The following MOK variants were observed in gnomAD, a reference collection of about 807,000 sequenced individuals.
MOK encodes MAPK/MAK/MRK overlapping kinase.
Under a neutral mutation model 54.2 loss-of-function variants are expected in MOK, and 59 were observed. The ratio of observed to expected loss-of-function variants is 1.09; its 90% CI spans 0.88 to 1.35. The LOEUF is 1.35. MOK is among the 40% of genes most tolerant of loss of function. The pLI, the probability that MOK is intolerant of heterozygous loss-of-function variation, is 0.00. For synonymous variants in MOK, 210 were observed against 202.7 expected (o/e 1.04, Z -0.31); for missense variants, 517 against 526.2 (o/e 0.98, Z 0.17).
chr14:102,267,098 A>G (rs1013769438), intron 2 of MOK, among the ~76,000 whole-genome samples: 2 of 152,246 alleles, frequency 1.3e-5, no homozygotes, highest in African/African-American at 4.8e-5. Flanking sequence ...ACCTAATTGA[A>G]TAATTCAATT....
At chr14:102,266,822 T>C (rs1214558559) in intron 2 of MOK, among the ~76,000 whole-genome samples, 2 of 152,158 alleles carry the variant, frequency 1.3e-5, no homozygotes, top group East Asian at 3.9e-4. Flanking sequence ...CCTCAGGTGA[T>C]CCACCCACCT....
At position 102,251,646 on chromosome 14, in the gene MOK, G is replaced by A. The variant is rs1364924722; in HGVS notation, c.411+110C>T. ...AAAAAATTACTGTAACAAACAGGCT[G>A]TCTAGCCGCATGGACTGAAAGTTCC... On this transcript the variant is annotated intron_variant, in intron 6 of 11. Transcript: ENST00000361847. The A allele has an allele frequency of 8.2e-6, 7 of 856,564 alleles. No homozygotes were observed. In the African/African-American group the frequency reaches 1.2e-4, roughly 14 times the overall value. 53.1% of individuals were successfully genotyped at this position (856,564 alleles called of 1,614,324 possible).
intron 1 of MOK, among the ~76,000 whole-genome samples, chr14:102,299,513 C>CAAA (rs56688594): frequency 7.0e-6 from 1 of 142,518 alleles, no homozygotes; most frequent in Non-Finnish European, 1.5e-5. Flanking sequence ...AGACTACCTA[C>CAAA]AAAAAAAAAA....
chr14:102,216,918 GCGAGAC>G, the MOK span, among the ~76,000 whole-genome samples: 1 of 152,188 alleles, frequency 6.6e-6, no homozygotes, highest in Non-Finnish European at 1.5e-5. Flanking sequence ...GGGCGACAGA[GCGAGAC>G]TCTGTCTTAA....
Position 102,265,931 on chromosome 14 carries a change from T to C in MOK, c.123-19A>G. 6.3e-7 allele frequency: 1 copy of C among 1,576,900 alleles called. No individual in the cohort carries two copies. The highest frequency in any genetic ancestry group is 8.7e-7 in the Non-Finnish European group (1 of 1,148,686). On this transcript the variant is annotated intron_variant, in intron 2 of 11. Coordinates refer to ENST00000361847, the MANE Select transcript of MOK (RefSeq NM_014226.3). ...CTCAATACTATCGTGTAGGTAAAAA[T>C]GGATAGCTCATTCACAGTTTAGGTC...
chr14:102,268,100 G>A (rs958138052), intron 2 of MOK, among the ~76,000 whole-genome samples: 9 of 152,060 alleles, frequency 5.9e-5, no homozygotes, highest in African/African-American at 1.4e-4. Context: ...TTTTAGAACC[G>A]GGCAGCCAAA....
At chr14:102,263,907 G>A in intron 3 of MOK, 1 of 257,908 alleles carries the variant, frequency 3.9e-6, no homozygotes, top group South Asian at 5.4e-5. Flanking sequence ...AAAGGTTGGG[G>A]AGTTGGGTAA....
At chr14:102,219,198 A>G in the MOK span, among the ~76,000 whole-genome samples, 1 of 152,238 alleles carries the variant, frequency 6.6e-6, no homozygotes, top group African/African-American at 2.4e-5. Flanking sequence ...ACTGAATCAC[A>G]GGCAGATAGA....
At chr14:102,227,319 C>T (rs1379923037), downstream of MOK, among the ~76,000 whole-genome samples, 2 of 151,846 alleles carry the variant, frequency 1.3e-5, no homozygotes, top group Non-Finnish European at 2.9e-5. Context: ...TCTCTTGTGA[C>T]CTGCGCGCCG....
chr14:102,226,239 G>T (rs1249678230), downstream of MOK: 9 of 656,816 alleles, frequency 1.4e-5, no homozygotes, highest in African/African-American at 7.2e-5. The surrounding 1 kb of genome is among the most constrained non-coding windows in gnomAD (Gnocchi z 4.8). Flanking sequence ...TCTGCCCGGT[G>T]TCTTCTTTAA....
downstream of MOK, chr14:102,222,769 G>T (rs1270566642): frequency 1.9e-6 from 3 of 1,590,958 alleles, no homozygotes; most frequent in African/African-American, 4.0e-5. The surrounding 1 kb of genome is among the most constrained non-coding windows in gnomAD (Gnocchi z 4.4). Context: ...CGGAGGGCGC[G>T]CATGGTGGCT....
chr14:102,226,349 G>C, downstream of MOK: 1 of 703,210 alleles, frequency 1.4e-6, no homozygotes, highest in Non-Finnish European at 2.6e-6. The surrounding 1 kb of genome is among the most constrained non-coding windows in gnomAD (Gnocchi z 4.8). Context: ...GTTGAGGGAT[G>C]AACGTGTTTG....
intron 2 of MOK, among the ~76,000 whole-genome samples, chr14:102,273,457 G>A (rs529746853): frequency 2.4e-4 from 36 of 152,038 alleles, no homozygotes; most frequent in Non-Finnish European, 3.8e-4. Context: ...CAAAAGACAC[G>A]TAAGACCTTT....
intron 2 of MOK, among the ~76,000 whole-genome samples, chr14:102,278,376 T>C (rs1185296376): frequency 6.8e-6 from 1 of 147,162 alleles, no homozygotes; most frequent in Non-Finnish European, 1.5e-5. Context: ...TATTATACTT[T>C]TAAGTAAAAA....
At chr14:102,285,284 T>C (rs2069918655) in intron 1 of MOK, among the ~76,000 whole-genome samples, 1 of 152,152 alleles carries the variant, frequency 6.6e-6, no homozygotes, top group Non-Finnish European at 1.5e-5. Context: ...TCTTGCTATG[T>C]TGCCCAGGCT....
intron 7 of MOK, among the ~76,000 whole-genome samples, chr14:102,248,700 C>G (rs2066288977): frequency 6.6e-6 from 1 of 150,812 alleles, no homozygotes; most frequent in Admixed American, 6.6e-5. Context: ...ATGGTGTGAA[C>G]CTGGGAGGCG....
At position 102,263,527 on chromosome 14, in the gene MOK, TTCAAA is replaced by T; in HGVS notation, c.283+14_283+18del. ...CTTAAAAGAGGATCTTAGGTTAGCTTTCAAATTATTCTACGTACCTCGTATTAGCT... is the reference window on the plus strand; with the variant it reads ...CTTAAAAGAGGATCTTAGGTTAGCTTTTATTCTACGTACCTCGTATTAGCT... On this transcript the variant is annotated intron_variant, in intron 4 of 11. Transcript: ENST00000361847. 1.3e-6 allele frequency: 2 copies of T among 1,551,208 alleles called. No individual in the cohort carries two copies. Among genetic ancestry groups the T allele is most frequent in the Non-Finnish European group, 1.8e-6 (2 of 1,136,466 alleles).
At position 102,249,804 on chromosome 14, in the gene MOK, C is replaced by T. The variant is rs2066386379; in HGVS notation, c.590+1008G>A. Among the ~76,000 whole-genome samples the T allele has an allele frequency of 6.6e-6, 1 of 152,160 alleles. No homozygotes were observed. Among genetic ancestry groups the T allele is most frequent in the South Asian group, 2.1e-4 (1 of 4,816 alleles). Reference sequence around the variant, plus strand: ...TTAAAAATACAGCTCTGGTAGTAGGCCTAGCTTCTATTCCAGAAAATGGCA... The same window carrying T: ...TTAAAAATACAGCTCTGGTAGTAGGTCTAGCTTCTATTCCAGAAAATGGCA... On this transcript the variant is annotated intron_variant, in intron 7 of 11. Coordinates refer to ENST00000361847, the MANE Select transcript of MOK (RefSeq NM_014226.3). This position sits in a 1 kb window ranked among gnomAD's most constrained non-coding sequence, Gnocchi z 5.3.
intron 7 of MOK, chr14:102,246,221 TC>T (rs1033041248): frequency 1.3e-5 from 2 of 152,096 alleles, no homozygotes; most frequent in Non-Finnish European, 2.9e-5. Flanking sequence ...CTTTTGTCTA[TC>T]CTGCCGCTTC....
Sources: allele counts gnomAD v4.1 joint callset (sites outside exome capture counted in the v4.1 genomes callset), GRCh38; gene constraint gnomAD v4.1.1; non-coding constraint Gnocchi (gnomAD v3.1); transcripts MANE v1.5; gene names NCBI Gene and HGNC (gene_info 2026-07-23, HGNC 2026-07-21).